Variants in DNAAF9 observed in about 807,000 individuals in gnomAD.
The protein encoded by DNAAF9 is dynein axonemal assembly factor 9, also known as shulin.
DNAAF9 carries 90 observed loss-of-function variants against 167.0 expected under a neutral mutation model. The ratio of observed to expected loss-of-function variants is 0.54; its 90% CI spans 0.45 to 0.64. The LOEUF is 0.64. Ranked by LOEUF, DNAAF9 falls within the 30% of genes least tolerant of loss-of-function variation. DNAAF9 has a pLI of 0.00. For missense variants in DNAAF9, 1,315 were observed against 1,442.2 expected, an observed-to-expected ratio of 0.91 and a Z score of 1.43; for synonymous variants, 491 against 508.8, an observed-to-expected ratio of 0.96 and a Z score of 0.47.
chr20:3,287,197 C>A (rs990135795), intron 27 of DNAAF9, among the ~76,000 whole-genome samples: 1 of 152,154 alleles, frequency 6.6e-6, no homozygotes, highest in African/African-American at 2.4e-5. Context: ...CACTGAAGGT[C>A]CCAGGAAACT....
At chr20:3,389,666 G>C (rs1037668226) in intron 1 of DNAAF9, among the ~76,000 whole-genome samples, 15 of 151,816 alleles carry the variant, frequency 9.9e-5, no homozygotes, top group African/African-American at 3.1e-4. Flanking sequence ...ACAACAGAGA[G>C]GGAAAATTCT....
At position 3,297,457 on chromosome 20, in the gene DNAAF9, G is replaced by A. The variant is rs1600729785; in HGVS notation, c.1930-508C>T. ...CCTCTATGGTCTGCGAATCTGACCTGAGGGAGGAACACTGTCCCCTCACAA... is the reference window on the plus strand; with the variant it reads ...CCTCTATGGTCTGCGAATCTGACCTAAGGGAGGAACACTGTCCCCTCACAA... On this transcript the variant is annotated intron_variant, in intron 22 of 36. Coordinates refer to ENST00000252032, the MANE Select transcript of DNAAF9 (RefSeq NM_001009984.3). Among the ~76,000 whole-genome samples the A allele has an allele frequency of 2.6e-5, 4 of 152,326 alleles. No homozygotes were observed. In the South Asian group the frequency reaches 8.3e-4, roughly 32 times the overall value.
At chr20:3,363,744 C>A (rs1358825173) in intron 6 of DNAAF9, among the ~76,000 whole-genome samples, 1 of 152,110 alleles carries the variant, frequency 6.6e-6, no homozygotes, top group Non-Finnish European at 1.5e-5. Context: ...ATTCTGTCCT[C>A]ATGACTATGA....
chr20:3,376,138 T>TA lies in DNAAF9; in HGVS notation c.408+39dup, dbSNP rs541935042. On this transcript the variant is annotated intron_variant, in intron 4 of 36. Coordinates refer to ENST00000252032, the MANE Select transcript of DNAAF9 (RefSeq NM_001009984.3). ...CAACACTTTCCTTAAAGAGTATTCT[T>TA]AGAGTGTCTCTAGGTGCCTGTCTTC... 438 of 1,587,652 alleles carry TA rather than the reference T, an allele frequency of 2.8e-4. 1 individual carries two copies. The African/African-American group carries it at 5.3e-3, about 19-fold the overall frequency.
intron 3 of DNAAF9, among the ~76,000 whole-genome samples, 168 bp downstream of exon 3, chr20:3,381,211 T>C (rs1010903616): frequency 6.6e-6 from 1 of 152,212 alleles, no homozygotes; most frequent in Admixed American, 6.5e-5. Flanking sequence ...TGCTACTAAA[T>C]ATATCAGCAA....
At chr20:3,286,127 A>C (rs910991533) in intron 27 of DNAAF9, among the ~76,000 whole-genome samples, 1 of 152,234 alleles carries the variant, frequency 6.6e-6, no homozygotes, top group African/African-American at 2.4e-5. Context: ...ACATGCTATA[A>C]AGGAGGGTGC....
chr20:3,259,935 C>T lies in DNAAF9; in HGVS notation c.2967G>A (p.Val989=), dbSNP rs937958158. The change falls in exon 32 of 37, where the codon GTG becomes GTA. Residue 989 remains valine (V), a synonymous_variant. Coordinates refer to ENST00000252032, the MANE Select transcript of DNAAF9 (RefSeq NM_001009984.3). ...GTCAAGGCTTACCTTTACATTTGGCCACAAAGCGAGTCTTCTCCAAGGGAC... is the reference window on the plus strand; with the variant it reads ...GTCAAGGCTTACCTTTACATTTGGCTACAAAGCGAGTCTTCTCCAAGGGAC... ...FGRPLEKTRF[V]AKCKAIQSSI... The T allele has an allele frequency of 6.2e-7, 1 of 1,604,338 alleles. No homozygotes were observed. Among genetic ancestry groups the T allele is most frequent in the Non-Finnish European group, 8.5e-7 (1 of 1,170,944 alleles).
intron 1 of DNAAF9, among the ~76,000 whole-genome samples, chr20:3,384,717 T>G (rs1336915974): frequency 2.0e-5 from 3 of 151,880 alleles, no homozygotes; most frequent in Non-Finnish European, 4.4e-5. Context: ...CAAAATACAG[T>G]AAGTAAAATT....
intron 1 of DNAAF9, 103 bp downstream of exon 1, chr20:3,407,372 A>G: frequency 1.0e-6 from 1 of 983,390 alleles, no homozygotes; most frequent in South Asian, 3.9e-5. Context: ...AACCGTCCCG[A>G]GGAAGCCATG....
At chr20:3,297,890 C>A in intron 22 of DNAAF9, 139 bp downstream of exon 22, 2 of 683,842 alleles carry the variant, frequency 2.9e-6, no homozygotes, top group Non-Finnish European at 5.2e-6. Context: ...GGATTAGAAG[C>A]AGTCACCCCA....
chr20:3,284,813 TA>T (rs1225983739), intron 27 of DNAAF9, among the ~76,000 whole-genome samples: 6 of 152,220 alleles, frequency 3.9e-5, no homozygotes, highest in African/African-American at 1.4e-4. Context: ...TCAAATTCTC[TA>T]AAATTAATTT....
intron 21 of DNAAF9, among the ~76,000 whole-genome samples, chr20:3,301,121 C>T (rs2069178710): frequency 6.6e-6 from 1 of 150,642 alleles, no homozygotes; most frequent in Non-Finnish European, 1.5e-5. Context: ...CTCAAGTGAT[C>T]CTCCCACCTA....
intron 6 of DNAAF9, chr20:3,362,464 A>G (rs1413447319): frequency 5.1e-6 from 2 of 389,254 alleles, no homozygotes; most frequent in Non-Finnish European, 9.0e-6. Flanking sequence ...AAGTACTAAC[A>G]GCTTCATTTT....
Position 3,250,246 on chromosome 20 carries a change from G to A in DNAAF9, c.*2326C>T, listed in dbSNP as rs2068177015. Reference sequence around the variant, plus strand: ...CTCCTCCCACCTGGAGCGCCGCCTGGAGGAATCAAGTGGATACTGACCTTC... The same window carrying A: ...CTCCTCCCACCTGGAGCGCCGCCTGAAGGAATCAAGTGGATACTGACCTTC... On this transcript the variant is annotated 3_prime_UTR_variant, in exon 37 of 37. Transcript: ENST00000252032. The A allele has an allele frequency of 6.6e-6, 1 of 152,288 alleles. No individual in the cohort carries two copies. Among genetic ancestry groups the A allele is most frequent in the Non-Finnish European group, 1.5e-5 (1 of 68,140 alleles). 9.4% of individuals were successfully genotyped at this position (152,288 alleles called of 1,614,324 possible).
At chr20:3,262,616 C>A (rs2068411745) in intron 31 of DNAAF9, among the ~76,000 whole-genome samples, 1 of 152,108 alleles carries the variant, frequency 6.6e-6, no homozygotes, top group Admixed American at 6.6e-5. Context: ...CTCCAGGTGT[C>A]TGGGCCCTGA....
At chr20:3,407,409 G>T (rs1342231704) in intron 1 of DNAAF9, 66 bp downstream of exon 1, 2 of 1,210,368 alleles carry the variant, frequency 1.7e-6, no homozygotes, top group Non-Finnish European at 2.1e-6. Context: ...GGCGGGAGGC[G>T]TCGCCGGACC....
chr20:3,285,989 A>G (rs1311764355), intron 27 of DNAAF9, among the ~76,000 whole-genome samples: 1 of 152,124 alleles, frequency 6.6e-6, no homozygotes, highest in African/African-American at 2.4e-5. Flanking sequence ...CAAAAAAAAA[A>G]AAGAAAAAGA....
intron 27 of DNAAF9, among the ~76,000 whole-genome samples, chr20:3,286,428 G>T (rs2068854105): frequency 6.6e-6 from 1 of 152,208 alleles, no homozygotes; most frequent in Admixed American, 6.5e-5. Context: ...ACATTGTCAA[G>T]CTGCTGAATT....
chr20:3,256,256 G>A (rs776336598), intron 33 of DNAAF9, 45 bp from the exon 34 acceptor site: 1 of 1,344,826 alleles, frequency 7.4e-7, no homozygotes, highest in Non-Finnish European at 1.1e-6. Flanking sequence ...TGCCTTGAAA[G>A]GATACAGCTA....
Sources: gnomAD v4.1 joint callset for allele counts (sites outside exome capture counted in the v4.1 genomes callset) on GRCh38, gnomAD v4.1.1 for gene constraint, MANE v1.5 for transcripts, NCBI Gene and HGNC (gene_info 2026-07-23, HGNC 2026-07-21) for gene names.